TIMD4: variants seen among roughly 807,000 people sequenced by gnomAD.
TIMD4 encodes T-cell immunoglobulin and mucin domain-containing protein 4.
TIMD4 carries 31 observed loss-of-function variants against 41.2 expected under a neutral mutation model. The observed-to-expected ratio is 0.75, with a 90% CI of 0.57 to 1.01. The LOEUF (loss-of-function observed/expected upper bound fraction) is 1.01, where lower values mean the gene tolerates loss of function less well. TIMD4 is among the 50% of genes least tolerant of loss of function. TIMD4 has a pLI of 0.00. For missense variants in TIMD4, 479 were observed against 472.5 expected, an observed-to-expected ratio of 1.01 and a Z score of -0.13; for synonymous variants, 204 against 177.1, an observed-to-expected ratio of 1.15 and a Z score of -1.21.
intron 4 of TIMD4, among the ~76,000 whole-genome samples, chr5:156,949,219 C>T (rs147308258): frequency 6.6e-6 from 1 of 152,256 alleles, no homozygotes; most frequent in East Asian, 1.9e-4. Flanking sequence ...GACCAATTCT[C>T]GCTCCACTCT....
Position 156,926,294 on chromosome 5 carries a change from G to C in TIMD4, c.863C>G (p.Pro288Arg), listed in dbSNP as rs774334123. The C allele has an allele frequency of 1.4e-5, 22 of 1,613,450 alleles. No homozygotes were observed. The highest frequency in any genetic ancestry group is 1.9e-5 in the Non-Finnish European group (22 of 1,179,698). Reference protein sequence around the residue: ...PQPGASDTAVPEQNKTTKTGQ... With the variant: ...PQPGASDTAVREQNKTTKTGQ... ...TGTTTTTGTTGTTTTGTTCTGCTCAGGAACTGCTGTATCAGATGCTGGGAA... is the reference window on the plus strand; with the variant it reads ...TGTTTTTGTTGTTTTGTTCTGCTCACGAACTGCTGTATCAGATGCTGGGAA... The change falls in exon 6 of 9, where the codon CCT (proline) becomes CGT (arginine). Residue 288 changes from proline (P) to arginine (R), a missense_variant. Transcript: ENST00000274532.
chr5:156,921,616 C>CAAAAAAAAAAAAAAAAAAA (rs66842169), intron 7 of TIMD4, among the ~76,000 whole-genome samples: 6 of 47,270 alleles, frequency 1.3e-4, no homozygotes, highest in Non-Finnish European at 2.0e-4. Flanking sequence ...GAGACTCTCT[C>CAAAAAAAAAAAAAAAAAAA]AAAAAAAAAA....
At chr5:156,944,544 C>T (rs1180785893) in intron 5 of TIMD4, among the ~76,000 whole-genome samples, 1 of 144,814 alleles carries the variant, frequency 6.9e-6, no homozygotes, top group Non-Finnish European at 1.5e-5. Context: ...TCGTTATTTC[C>T]CCCAGGCTGG....
At chr5:156,954,809 A>T (rs1000851256) in intron 1 of TIMD4, 53 bp from the exon 2 acceptor site, 1 of 1,435,394 alleles carries the variant, frequency 7.0e-7, no homozygotes, top group South Asian at 1.4e-5. Flanking sequence ...TCTCTCAAAC[A>T]TGCTACACAG....
intron 5 of TIMD4, 92 bp downstream of exon 5, chr5:156,948,324 C>CA (rs771775507): frequency 0.13 from 63,809 of 479,274 alleles, no homozygotes; most frequent in East Asian, 0.15. Flanking sequence ...CTCATCTCTA[C>CA]AAAAAAAAAA....
At chr5:156,930,101 G>T (rs567844632) in intron 5 of TIMD4, among the ~76,000 whole-genome samples, 15 of 152,084 alleles carry the variant, frequency 9.9e-5, no homozygotes, top group Non-Finnish European at 2.1e-4. Context: ...CTCCCAAGTA[G>T]CTGGGATTAC....
chr5:156,948,322 T>TATAAA, intron 5 of TIMD4, 94 bp downstream of exon 5: 3 of 616,538 alleles, frequency 4.9e-6, no homozygotes, highest in Non-Finnish European at 6.2e-6. Flanking sequence ...AACTCATCTC[T>TATAAA]ACAAAAAAAA....
At chr5:156,962,881 G>A (rs1267158304) in intron 1 of TIMD4, among the ~76,000 whole-genome samples, 2 of 152,116 alleles carry the variant, frequency 1.3e-5, no homozygotes, top group Non-Finnish European at 2.9e-5. Context: ...ACTTATTTCT[G>A]TGTCTCTTCT....
rs757042260 is a variant in TIMD4 at position 156,920,479 on chromosome 5, G to T, written c.1037C>A (p.Ser346Ter). The change falls in exon 8 of 9, where the codon TCG becomes TAG. Residue 346 changes from serine to a stop codon, truncating the protein, a stop_gained. Coordinates refer to ENST00000274532, the MANE Select transcript of TIMD4 (RefSeq NM_138379.3). LOFTEE classifies it low-confidence loss of function (END_TRUNC). ...GATAGATTACCTTGTGTGTTTCTGC[G>T]AACAATAGGTTTCCATGAGTTTCCC... ...LRGKLMETYCSQKHTRLDYIG... is the reference protein window; with the variant it reads ...LRGKLMETYC 3.1e-6 allele frequency: 5 copies of T among 1,613,952 alleles called. No individual in the cohort carries two copies. The highest frequency in any genetic ancestry group is 1.7e-5 in the Admixed American group (1 of 59,992).
chr5:156,939,328 G>A (rs1046591825), intron 5 of TIMD4, among the ~76,000 whole-genome samples: 3 of 152,106 alleles, frequency 2.0e-5, no homozygotes, highest in African/African-American at 4.8e-5. Context: ...CACTAGACAC[G>A]TTGAGCCAAG....
chr5:156,954,369 C>T, intron 2 of TIMD4, 46 bp downstream of exon 2: 1 of 1,556,776 alleles, frequency 6.4e-7, no homozygotes. Flanking sequence ...GTCCATTAAC[C>T]ACTGAATCTC....
At position 156,953,421 on chromosome 5, in the gene TIMD4, C is replaced by T. The variant is rs181051415; in HGVS notation, c.400+994G>A. Among the ~76,000 whole-genome samples the T allele has an allele frequency of 8.0e-4, 121 of 151,848 alleles. 1 individual carries two copies. The highest frequency in any genetic ancestry group is 1.6e-3 in the Non-Finnish European group (108 of 67,946). On this transcript the variant is annotated intron_variant, in intron 2 of 8. Coordinates refer to ENST00000274532, the MANE Select transcript of TIMD4 (RefSeq NM_138379.3). Reference sequence around the variant, plus strand: ...TTGTAATCCCAGCACTTTGGGAGGCCGAGGTGGGTGGATCACTTAAGGTCA... The same window carrying T: ...TTGTAATCCCAGCACTTTGGGAGGCTGAGGTGGGTGGATCACTTAAGGTCA...
At chr5:156,946,034 T>G (rs1248344095) in intron 5 of TIMD4, among the ~76,000 whole-genome samples, 1 of 152,184 alleles carries the variant, frequency 6.6e-6, no homozygotes, top group African/African-American at 2.4e-5. Flanking sequence ...CAGCAAGTGT[T>G]CTCTCTTCTG....
At chr5:156,925,006 GA>G (rs1561544186) in intron 6 of TIMD4, among the ~76,000 whole-genome samples, 2 of 150,478 alleles carry the variant, frequency 1.3e-5, no homozygotes, top group Non-Finnish European at 2.9e-5. Context: ...AAAAGAAAAA[GA>G]GAGAGAGAGA....
intron 1 of TIMD4, among the ~76,000 whole-genome samples, chr5:156,956,088 T>C (rs1009059277): frequency 1.3e-5 from 2 of 152,230 alleles, no homozygotes; most frequent in Admixed American, 6.5e-5. Context: ...TCAGTCTAAC[T>C]GAAACTTTGT....
At chr5:156,933,279 G>C (rs1019686176) in intron 5 of TIMD4, among the ~76,000 whole-genome samples, 1 of 152,116 alleles carries the variant, frequency 6.6e-6, no homozygotes, top group African/African-American at 2.4e-5. Context: ...CACTTTGGGA[G>C]GCCAAGGTGG....
chr5:156,961,816 AAAAAAAAAAAAAAAAAAAAAGAAAG>A lies in TIMD4; in HGVS notation c.58+1300_58+1324del, dbSNP rs1753060380. 4.2e-5 allele frequency among the ~76,000 whole-genome samples: 6 copies of A among 142,666 alleles called. No homozygotes were observed. The South Asian group carries it at 1.1e-3, about 26-fold the overall frequency. The allele number at this position is 142,666 out of a possible 152,430, so 93.6% of individuals were successfully genotyped here. A position where few individuals can be genotyped will look rare whatever the true frequency, so the allele number is the denominator to read the frequency against. On this transcript the variant is annotated intron_variant, in intron 1 of 8. Transcript: ENST00000274532. ...AGAGCGAGACTCCGTCTCAAAAAAAAAAAAAAAAAAAAAAAAAAAAGAAAGAAAAAAAAAAAGAAAATGTGGTATA... is the reference window on the plus strand; with the variant it reads ...AGAGCGAGACTCCGTCTCAAAAAAAAAAAAAAAAAAAGAAAATGTGGTATA...
intron 8 of TIMD4, 65 bp downstream of exon 8, chr5:156,920,399 A>G (rs1561542545): frequency 6.6e-7 from 1 of 1,519,700 alleles, no homozygotes; most frequent in East Asian, 2.3e-5. Context: ...ACCACTGAGT[A>G]GTAGCTAATC....
rs1759868314 is a variant in TIMD4 at position 156,951,922 on chromosome 5, A to G, written c.401-132T>C. 7.2e-6 allele frequency: 9 copies of G among 1,254,598 alleles called. No homozygotes were observed. In the Admixed American group the frequency reaches 1.3e-4, roughly 17 times the overall value. 77.7% of individuals were successfully genotyped at this position (1,254,598 alleles called of 1,614,324 possible). A position where few individuals can be genotyped will look rare whatever the true frequency, so the allele number is the denominator to read the frequency against. ...ACTGGCCTGGACGATTGTAATGCCC[A>G]ATAAAATTGTGTTTCCTGCCCCCAC... On this transcript the variant is annotated intron_variant, in intron 2 of 8. Coordinates refer to ENST00000274532, the MANE Select transcript of TIMD4 (RefSeq NM_138379.3).
Sources: allele counts gnomAD v4.1 joint callset (sites outside exome capture counted in the v4.1 genomes callset), GRCh38; gene constraint gnomAD v4.1.1; transcripts MANE v1.5; gene names NCBI Gene and HGNC (gene_info 2026-07-23, HGNC 2026-07-21).